GDPD5: variants seen among roughly 807,000 people sequenced by gnomAD.
GDPD5 encodes the protein glycerophosphodiester phosphodiesterase domain containing 5.
GDPD5 carries 48 observed loss-of-function variants against 75.1 expected under a neutral mutation model. That is an observed-to-expected ratio of 0.64 (90% CI 0.51 to 0.81). The LOEUF (loss-of-function observed/expected upper bound fraction) is 0.81, where lower values mean the gene tolerates loss of function less well. Among genes scored for constraint, GDPD5 ranks in the 40% least tolerant of loss-of-function variants. GDPD5 has a pLI of 0.00. For synonymous variants in GDPD5, 336 were observed against 339.0 expected (o/e 0.99, Z 0.10); for missense variants, 706 against 822.6 (o/e 0.86, Z 1.73).
chr11:75,441,546 G>C, intron 13 of GDPD5, 100 bp downstream of exon 13: 2 of 388,582 alleles, frequency 5.1e-6, no homozygotes, highest in Non-Finnish European at 7.3e-6. Context: ...GCCCGACCGT[G>C]TGTGTGTGTG....
At chr11:75,508,223 C>T (rs1346542130) in intron 1 of GDPD5, 1 of 152,220 alleles carries the variant, frequency 6.6e-6, no homozygotes, top group African/African-American at 2.4e-5. Context: ...CGTGTCTAAG[C>T]TGCACTGATC....
chr11:75,471,275 G>C (rs73494879), intron 3 of GDPD5, among the ~76,000 whole-genome samples: 4,091 of 152,268 alleles, frequency 0.027, 204 homozygotes, highest in African/African-American at 0.093. Context: ...GGGAGATTTG[G>C]GGGAGGTGGT....
intron 12 of GDPD5, 140 bp from the exon 13 acceptor site, chr11:75,441,943 G>A: frequency 1.2e-6 from 1 of 869,052 alleles, no homozygotes; most frequent in Non-Finnish European, 1.7e-6. Context: ...TAGCAGGGCA[G>A]GACTCAGTCC....
At chr11:75,482,282 T>G (rs1015898310) in intron 2 of GDPD5, among the ~76,000 whole-genome samples, 1 of 152,136 alleles carries the variant, frequency 6.6e-6, no homozygotes, top group Non-Finnish European at 1.5e-5. Flanking sequence ...TTTTGTCCTG[T>G]TCATAAGTGT....
intron 15 of GDPD5, among the ~76,000 whole-genome samples, chr11:75,439,653 C>T (rs910002034): frequency 1.3e-5 from 2 of 152,202 alleles, no homozygotes; most frequent in Non-Finnish European, 2.9e-5. Flanking sequence ...CCCACATAGC[C>T]ACCCAAGGCA....
chr11:75,455,455 T>G, intron 6 of GDPD5: 1 of 438,990 alleles, frequency 2.3e-6, no homozygotes, highest in Admixed American at 2.5e-5. Context: ...ACTCCCAAGC[T>G]CCAGGCCCAT....
chr11:75,503,196 T>G (rs1171445941), intron 1 of GDPD5, among the ~76,000 whole-genome samples: 1 of 152,166 alleles, frequency 6.6e-6, no homozygotes, highest in African/African-American at 2.4e-5. Flanking sequence ...ATTTTTGTAT[T>G]TTTAATAGAG....
intron 11 of GDPD5, 166 bp downstream of exon 11, chr11:75,442,970 G>A (rs1948867409): frequency 2.7e-6 from 2 of 738,672 alleles, no homozygotes; most frequent in Non-Finnish European, 4.7e-6. Context: ...CCATGAGTCT[G>A]GCAGCAGTGG....
chr11:75,457,544 C>T lies in GDPD5; in HGVS notation c.315+149G>A, dbSNP rs1949310122. 15 of 565,406 alleles carry T rather than the reference C, an allele frequency of 2.7e-5. 1 individual carries two copies. In the South Asian group the frequency reaches 3.7e-4, roughly 14 times the overall value. The allele number at this position is 565,406 out of a possible 1,614,324, so 35.0% of individuals were successfully genotyped here. A position where few individuals can be genotyped will look rare whatever the true frequency, so the allele number is the denominator to read the frequency against. On this transcript the variant is annotated intron_variant, in intron 5 of 16. Transcript: ENST00000336898. ...TATCTTTCTGTATTTTTGATTACTT[C>T]CTTAGGATACATTCCTACAAATACA...
chr11:75,522,520 G>A (rs1431247808), intron 1 of GDPD5, among the ~76,000 whole-genome samples: 2 of 152,040 alleles, frequency 1.3e-5, no homozygotes, highest in Admixed American at 1.3e-4. Context: ...GGAATCAGAG[G>A]CCCACTTGAT....
chr11:75,483,407 C>T (rs773730711), intron 2 of GDPD5, among the ~76,000 whole-genome samples: 3 of 152,198 alleles, frequency 2.0e-5, no homozygotes, highest in African/African-American at 4.8e-5. Context: ...GCACCTCCGG[C>T]GTCCTGTCTC....
intron 1 of GDPD5, among the ~76,000 whole-genome samples, chr11:75,517,153 T>C (rs777715633): frequency 1.3e-4 from 20 of 152,088 alleles, no homozygotes; most frequent in Admixed American, 2.6e-4. Context: ...GAAAATGCTA[T>C]AGAAATTGCA....
At chr11:75,477,320 G>T (rs915643991) in intron 3 of GDPD5, among the ~76,000 whole-genome samples, 1 of 152,254 alleles carries the variant, frequency 6.6e-6, no homozygotes, top group African/African-American at 2.4e-5. Flanking sequence ...AGATCTGCCA[G>T]GAAGCTGAGA....
intron 2 of GDPD5, among the ~76,000 whole-genome samples, chr11:75,482,214 C>G (rs1414583905): frequency 6.6e-6 from 1 of 152,168 alleles, no homozygotes; most frequent in Non-Finnish European, 1.5e-5. Context: ...ATGCGTCATG[C>G]CTCGGCCCAG....
chr11:75,483,743 C>A (rs1287944692), intron 2 of GDPD5, among the ~76,000 whole-genome samples: 1 of 152,276 alleles, frequency 6.6e-6, no homozygotes, highest in Non-Finnish European at 1.5e-5. Flanking sequence ...TCACAAAAGG[C>A]CACATATTGT....
At chr11:75,469,445 C>G (rs1162273969) in intron 3 of GDPD5, among the ~76,000 whole-genome samples, 9 of 152,232 alleles carry the variant, frequency 5.9e-5, no homozygotes, top group Non-Finnish European at 1.0e-4. Flanking sequence ...AAAGGGCACA[C>G]ATAATGGTGG....
rs971883203 is a variant in GDPD5, at chr11:75,483,851, G to A, written c.-60-6056C>T. ...GCTGGGAGGATTGGGGAGGAAAGGC[G>A]GAGTGACTGCTAATAGGTGTGGAGT... is the stretch of plus-strand genomic sequence containing the variant. On this transcript the variant is annotated intron_variant, in intron 2 of 16. Transcript: ENST00000336898. Among the ~76,000 whole-genome samples the A allele has an allele frequency of 6.6e-5, 10 of 152,300 alleles. 1 individual carries two copies. Among genetic ancestry groups the A allele is most frequent in the East Asian group, 3.9e-4 (2 of 5,188 alleles).
chr11:75,498,380 T>C (rs1950249104), intron 1 of GDPD5, among the ~76,000 whole-genome samples: 1 of 152,232 alleles, frequency 6.6e-6, no homozygotes, highest in South Asian at 2.1e-4. Flanking sequence ...GTGGGTGGGC[T>C]AGGAAGAAAA....
chr11:75,476,783 A>AG (rs1949787752), intron 3 of GDPD5, among the ~76,000 whole-genome samples: 1 of 152,152 alleles, frequency 6.6e-6, no homozygotes, highest in African/African-American at 2.4e-5. Flanking sequence ...GCACAGGCAG[A>AG]GGAGGGCAGA....
Sources: gnomAD v4.1 joint callset for allele counts (sites outside exome capture counted in the v4.1 genomes callset) on GRCh38, gnomAD v4.1.1 for gene constraint, MANE v1.5 for transcripts, NCBI Gene and HGNC (gene_info 2026-07-23, HGNC 2026-07-21) for gene names.